Variants in ATM observed in about 807,000 individuals in gnomAD.
ATM encodes the protein serine-protein kinase ATM.
Under a neutral mutation model 387.0 loss-of-function variants are expected in ATM, and 308 were observed. The ratio of observed to expected loss-of-function variants is 0.80; its 90% confidence interval spans 0.73 to 0.87. The LOEUF is 0.87. ATM is among the 40% of genes least tolerant of loss of function. The pLI is 0.00. For synonymous variants in ATM, 1,156 were observed against 1,187.3 expected (o/e 0.97, Z 0.54); for missense variants, 3,312 against 3,560.9 (o/e 0.93, Z 1.78).
At chr11:108,364,095 A>T (rs993162792) in intron 61 of ATM, among the ~76,000 whole-genome samples, 4 of 152,172 alleles carry the variant, frequency 2.6e-5, no homozygotes, top group Non-Finnish European at 4.4e-5. Context: ...TCAAAACAGC[A>T]TTAAAAAATA....
chr11:108,232,224 T>C (rs916038142), intron 4 of ATM, among the ~76,000 whole-genome samples: 4 of 152,212 alleles, frequency 2.6e-5, no homozygotes, highest in Non-Finnish European at 5.9e-5. Flanking sequence ...AGTTGAAAAT[T>C]TGTTTTTTTA....
At chr11:108,267,897 A>G (rs1267956028) in intron 17 of ATM, among the ~76,000 whole-genome samples, 1 of 152,244 alleles carries the variant, frequency 6.6e-6, no homozygotes, top group Non-Finnish European at 1.5e-5. Flanking sequence ...TATTTCCTCA[A>G]TAGAAAGCAG....
rs2083315314 is a variant in ATM, at chr11:108,299,702, T to G, written c.5006-12T>G. 1 of 1,612,858 alleles carries G rather than the reference T, an allele frequency of 6.2e-7. No individual in the cohort carries two copies. Among genetic ancestry groups the G allele is most frequent in the African/African-American group, 1.3e-5 (1 of 75,020 alleles). On this transcript the variant is annotated splice_polypyrimidine_tract_variant and intron_variant, in intron 33 of 62. Coordinates refer to ENST00000675843, the MANE Select transcript of ATM (RefSeq NM_000051.4). The stretch of plus-strand genomic sequence containing the variant: ...ACCTATGACTCTACTGAAATAGAAT[T>G]TCTATATGTAGAGGCTGTTGGAAGC...
chr11:108,362,962 T>TA (rs2090957555), intron 61 of ATM, among the ~76,000 whole-genome samples: 3 of 151,524 alleles, frequency 2.0e-5, no homozygotes, highest in African/African-American at 4.9e-5. Context: ...TAAAAAAAAC[T>TA]AAAAAAACAA....
At chr11:108,233,590 A>AT (rs200924880) in intron 4 of ATM, among the ~76,000 whole-genome samples, 3,438 of 149,846 alleles carry the variant, frequency 0.023, 167 homozygotes, top group African/African-American at 0.081. Context: ...AAAAAAAAAA[A>AT]GTCTCTGCAG....
rs71047689 is a variant in ATM, at chr11:108,354,070, A to AACACACACACAC, written c.8786+215_8786+226dup. Among the ~76,000 whole-genome samples, 695 of 114,888 alleles carry AACACACACACAC rather than the reference A, an allele frequency of 6.0e-3. 8 individuals carry two copies. The highest frequency in any genetic ancestry group is 0.018 in the African/African-American group (612 of 33,814). The allele number at this position is 114,888 out of a possible 152,430, so 75.4% of individuals were successfully genotyped here. Reference sequence around the variant, plus strand: ...GTATCTAAAAAAATACACACACACAAACACACACACACACACACACACACA... The same window carrying AACACACACACAC: ...GTATCTAAAAAAATACACACACACAAACACACACACACACACACACACACACACACACACACA... On this transcript the variant is annotated intron_variant, in intron 60 of 62. Transcript: ENST00000675843.
intron 42 of ATM, among the ~76,000 whole-genome samples, 173 bp from the exon 43 acceptor site, chr11:108,317,200 A>C (rs1478210762): frequency 6.6e-6 from 1 of 151,898 alleles, no homozygotes; most frequent in Non-Finnish European, 1.5e-5. Context: ...CAGCCTCCCA[A>C]AGTGCTGAGA....
rs2081569842 is a variant in ATM at position 108,271,308 on chromosome 11, T to C, written c.2979T>C (p.His993=). 6.2e-7 allele frequency: 1 copy of C among 1,613,906 alleles called. No homozygotes were observed. Among genetic ancestry groups the C allele is most frequent in the African/African-American group, 1.3e-5 (1 of 74,898 alleles). The part of the protein sequence containing the change: ...DQDVCKTILN[H]VLHVVKNLGQ... ...ATGTTTGTAAAACTATTTTAAACCA[T>C]GTCCTTCATGTAGTGAAAAACCTAG... is the stretch of plus-strand genomic sequence containing the variant. The change falls in exon 20 of 63, where the codon CAT becomes CAC. Residue 993 remains histidine (H), a synonymous_variant. Coordinates refer to ENST00000675843, the MANE Select transcript of ATM (RefSeq NM_000051.4).
intron 9 of ATM, among the ~76,000 whole-genome samples, chr11:108,249,400 A>C (rs2080019825): frequency 6.6e-6 from 1 of 152,232 alleles, no homozygotes; most frequent in African/African-American, 2.4e-5. Context: ...GAATTCACTG[A>C]ATTGTACGCT....
Position 108,271,281 on chromosome 11 carries a change from A to G in ATM, c.2952A>G (p.Gln984=), listed in dbSNP as rs1476499901. 1.2e-6 allele frequency: 2 copies of G among 1,613,814 alleles called. No individual in the cohort carries two copies. The highest frequency in any genetic ancestry group is 1.1e-5 in the South Asian group (1 of 91,082). Reference sequence around the variant, plus strand: ...TGTGTTCTTTGTATCGTCGTGACCAAGATGTTTGTAAAACTATTTTAAACC... The same window carrying G: ...TGTGTTCTTTGTATCGTCGTGACCAGGATGTTTGTAAAACTATTTTAAACC... The part of the protein sequence containing the change: ...SNVCSLYRRD[Q]DVCKTILNHV... Residue 984 remains glutamine, a synonymous_variant, in exon 20 of 63, where the codon CAA becomes CAG. Transcript: ENST00000675843.
chr11:108,252,968 A>G (rs1241316721), intron 12 of ATM, 56 bp downstream of exon 12: 14 of 1,463,766 alleles, frequency 9.6e-6, no homozygotes, highest in Middle Eastern at 1.8e-4. Flanking sequence ...AATTACAAAG[A>G]TGATAATTTT....
intron 45 of ATM, 56 bp downstream of exon 45, chr11:108,321,476 G>T: frequency 6.2e-7 from 1 of 1,611,974 alleles, no homozygotes; most frequent in South Asian, 1.1e-5. Context: ...GTTACCAATA[G>T]TGACTTTAAA....
Position 108,252,772 on chromosome 11 carries a change from A to G in ATM, c.1803-45A>G, listed in dbSNP as rs573832544. ...TGTTAAAGTTTAAAGTATTCTTTAC[A>G]TGGCTTTTGGTCTTCTAAGTGAAGC... On this transcript the variant is annotated intron_variant, in intron 11 of 62. Coordinates refer to ENST00000675843, the MANE Select transcript of ATM (RefSeq NM_000051.4). 15 of 1,309,718 alleles carry G rather than the reference A, an allele frequency of 1.1e-5. 1 individual carries two copies. In the South Asian group the frequency reaches 1.2e-4, roughly 11 times the overall value. The allele number at this position is 1,309,718 out of a possible 1,614,324, so 81.1% of individuals were successfully genotyped here. A position where few individuals can be genotyped will look rare whatever the true frequency, so the allele number is the denominator to read the frequency against.
intron 56 of ATM, among the ~76,000 whole-genome samples, chr11:108,342,192 G>A (rs867136853): frequency 3.3e-5 from 5 of 152,098 alleles, no homozygotes; most frequent in South Asian, 2.1e-4. Context: ...GAATCCAAAA[G>A]ATTGGACACC....
At chr11:108,238,262 T>G (rs2079394706) in intron 5 of ATM, among the ~76,000 whole-genome samples, 1 of 151,978 alleles carries the variant, frequency 6.6e-6, no homozygotes, top group African/African-American at 2.4e-5. Flanking sequence ...TAGTGTTTTA[T>G]AATTGTCAGC....
At position 108,271,374 on chromosome 11, in the gene ATM, A is replaced by C. The variant is rs1064796404; in HGVS notation, c.3045A>C (p.Gln1015His). 1.2e-6 allele frequency: 2 copies of C among 1,614,098 alleles called. No individual in the cohort carries two copies. The highest frequency in any genetic ancestry group is 1.7e-6 in the Non-Finnish European group (2 of 1,179,992). The change falls in exon 20 of 63, where the codon CAA becomes CAC. Residue 1015 changes from glutamine to histidine, a missense_variant. Transcript: ENST00000675843. Reference protein sequence around the residue: ...NMDSENTRDAQGQFLTVIGAF... With the variant: ...NMDSENTRDAHGQFLTVIGAF... The stretch of plus-strand genomic sequence containing the variant: ...ACTCTGAGAACACAAGGGATGCTCA[A>C]GGACAGTTTCTTACAGTAATTGGAG...
intron 5 of ATM, chr11:108,236,503 C>T (rs1255916200): frequency 4.0e-5 from 6 of 150,178 alleles, no homozygotes; most frequent in African/African-American, 9.8e-5. Flanking sequence ...GCACTCCGGC[C>T]TCCATGACAG....
At chr11:108,322,032 A>G (rs1378290642) in intron 45 of ATM, among the ~76,000 whole-genome samples, 1 of 152,218 alleles carries the variant, frequency 6.6e-6, no homozygotes, top group Non-Finnish European at 1.5e-5. Flanking sequence ...ATTCAGTTTT[A>G]GCACTACATT....
intron 58 of ATM, chr11:108,346,549 T>C (rs2088429615): frequency 6.6e-6 from 1 of 152,242 alleles, no homozygotes; most frequent in Non-Finnish European, 1.5e-5. Context: ...TTACATACTA[T>C]ACCCCAGGAA....
Sources: allele counts gnomAD v4.1 joint callset (sites outside exome capture counted in the v4.1 genomes callset), GRCh38; gene constraint gnomAD v4.1.1; transcripts MANE v1.5; gene names NCBI Gene and HGNC (gene_info 2026-07-23, HGNC 2026-07-21).